Variants in ST7 observed in about 807,000 individuals in gnomAD.
The protein encoded by ST7 is suppressor of tumorigenicity 7 protein.
ST7 carries 28 observed loss-of-function variants against 78.7 expected under a neutral mutation model. The observed-to-expected ratio is 0.36, with a 90% CI of 0.26 to 0.49. ST7 has a LOEUF of 0.49. Among genes scored for constraint, ST7 ranks in the 20% least tolerant of loss-of-function variants. The pLI, the probability that ST7 is intolerant of heterozygous loss-of-function variation, is 0.99. For synonymous variants in ST7, 247 were observed against 249.6 expected (o/e 0.99, Z 0.10); for missense variants, 418 against 696.0 (o/e 0.60, Z 4.49).
At position 117,170,869 on chromosome 7, in the gene ST7, A is replaced by G; in HGVS notation, c.971A>G (p.Lys324Arg). 3 of 1,589,886 alleles carry G rather than the reference A, an allele frequency of 1.9e-6. No individual in the cohort carries two copies. Among genetic ancestry groups the G allele is most frequent in the Non-Finnish European group, 1.7e-6 (2 of 1,166,868 alleles). The change falls in exon 10 of 16, where the codon AAG (lysine) becomes AGG (arginine). Residue 324 changes from lysine to arginine, a missense_variant. Lys to Arg is a conservative substitution (Grantham distance 26). Transcript: ENST00000323984. ...TGGTTTCTTCTGCCCTAGTTAATGA[A>G]GGAGTTCCCCCTTCTGAGTATGTTC... ...EAVKMMRDLM[K>R]EFPLLSMFNI...
intron 1 of ST7, among the ~76,000 whole-genome samples, chr7:117,095,089 T>C (rs1053376747): frequency 5.3e-5 from 8 of 152,168 alleles, no homozygotes; most frequent in African/African-American, 1.4e-4. Flanking sequence ...TTCGAAGACT[T>C]CCCTGTGCAA....
chr7:117,023,840 T>C (rs1365522828), intron 1 of ST7, among the ~76,000 whole-genome samples: 1 of 151,826 alleles, frequency 6.6e-6, no homozygotes, highest in East Asian at 1.9e-4. Context: ...CTCACCCTGT[T>C]GCTCTGTGGC....
chr7:116,954,876 G>A (rs1585032544), intron 1 of ST7: 1 of 310,808 alleles, frequency 3.2e-6, no homozygotes, highest in East Asian at 8.9e-5. Flanking sequence ...TTGAGATAAT[G>A]TACTCATTTT....
intron 3 of ST7, among the ~76,000 whole-genome samples, chr7:117,122,690 AG>A (rs1467729980): frequency 6.6e-6 from 1 of 152,174 alleles, no homozygotes; most frequent in Non-Finnish European, 1.5e-5. Context: ...AAGTATATTT[AG>A]GTCTCCATCT....
chr7:116,980,838 A>G (rs1793925962), intron 1 of ST7, among the ~76,000 whole-genome samples: 1 of 152,246 alleles, frequency 6.6e-6, no homozygotes, highest in Non-Finnish European at 1.5e-5. Flanking sequence ...TAAGAAATTA[A>G]TTAGATTTGT....
At chr7:117,157,055 A>C (rs1373289458) in intron 9 of ST7, among the ~76,000 whole-genome samples, 1 of 152,168 alleles carries the variant, frequency 6.6e-6, no homozygotes, top group African/African-American at 2.4e-5. Context: ...GGTAAGGCTT[A>C]AGGTCAAGAG....
chr7:117,116,675 CTTATG>C (rs1802914008), intron 2 of ST7, among the ~76,000 whole-genome samples: 1 of 152,110 alleles, frequency 6.6e-6, no homozygotes, highest in South Asian at 2.1e-4. Context: ...CATCTTTATA[CTTATG>C]TTCTCTGTAC....
chr7:117,119,403 A>G (rs117066758), intron 2 of ST7, among the ~76,000 whole-genome samples, 158 bp from the exon 3 acceptor site: 3 of 152,346 alleles, frequency 2.0e-5, no homozygotes, highest in Non-Finnish European at 4.4e-5. Context: ...TTTAAATGTT[A>G]TTATTAAATT....
intron 1 of ST7, among the ~76,000 whole-genome samples, chr7:117,009,167 T>C (rs1456757164): frequency 6.6e-6 from 1 of 151,912 alleles, no homozygotes; most frequent in Non-Finnish European, 1.5e-5. Context: ...TGTAGTACCA[T>C]GGAAATTTGT....
At chr7:117,217,692 T>C (rs1792797163) in intron 13 of ST7, among the ~76,000 whole-genome samples, 2 of 152,212 alleles carry the variant, frequency 1.3e-5, no homozygotes, top group South Asian at 4.1e-4. Flanking sequence ...AGTTAAAGTC[T>C]GGGGTGTTTT....
intron 1 of ST7, chr7:116,968,521 A>G (rs1793258308): frequency 2.5e-6 from 1 of 401,940 alleles, no homozygotes; most frequent in Non-Finnish European, 5.0e-6. Flanking sequence ...AAAGGACTTT[A>G]TGTTGAACCT....
At chr7:117,195,686 C>T (rs577904527) in intron 12 of ST7, among the ~76,000 whole-genome samples, 1 of 152,170 alleles carries the variant, frequency 6.6e-6, no homozygotes, top group Non-Finnish European at 1.5e-5. Context: ...AAAACTCACT[C>T]ACTATCATGA....
chr7:117,167,786 AAG>A (rs1263886690), intron 9 of ST7, among the ~76,000 whole-genome samples: 1 of 152,200 alleles, frequency 6.6e-6, no homozygotes. Flanking sequence ...TGAAGAAGCC[AAG>A]AGAGGCAAGT....
At chr7:117,098,795 A>C (rs1801322571) in intron 1 of ST7, 2 of 1,302,482 alleles carry the variant, frequency 1.5e-6, no homozygotes, top group South Asian at 1.2e-5. Flanking sequence ...AAGAAATGTG[A>C]ATACTCCCAC....
intron 1 of ST7, among the ~76,000 whole-genome samples, chr7:117,099,516 A>G (rs1344164563): frequency 1.3e-5 from 2 of 152,180 alleles, no homozygotes; most frequent in East Asian, 3.9e-4. Context: ...TTGTTTTGGG[A>G]GTTAGAAATT....
chr7:117,160,110 G>C (rs952995246), intron 9 of ST7, among the ~76,000 whole-genome samples: 1 of 150,032 alleles, frequency 6.7e-6, no homozygotes, highest in African/African-American at 2.5e-5. Context: ...CAGAGTAGCT[G>C]TAATCCCAGC....
chr7:117,071,142 C>A (rs1798929938), intron 1 of ST7, among the ~76,000 whole-genome samples: 1 of 152,064 alleles, frequency 6.6e-6, no homozygotes, highest in South Asian at 2.1e-4. Context: ...TGGCGTGAAC[C>A]CGGGAGGCGG....
Position 116,994,680 on chromosome 7 carries a change from T to G in ST7, c.151+40989T>G, listed in dbSNP as rs143812165. Among the ~76,000 whole-genome samples, 1,078 of 152,306 alleles carry G rather than the reference T, an allele frequency of 7.1e-3. 9 individuals are homozygous for G. The highest frequency in any genetic ancestry group is 0.024 in the African/African-American group (1,009 of 41,548). ...GTGATATTTTTCTACTCAAGACTATTAAAAATGAATTCATTAACCATTCGA... is the reference window on the plus strand; with the variant it reads ...GTGATATTTTTCTACTCAAGACTATGAAAAATGAATTCATTAACCATTCGA... On this transcript the variant is annotated intron_variant, in intron 1 of 15. Transcript: ENST00000323984.
At chr7:116,958,187 G>A in intron 1 of ST7, among the ~76,000 whole-genome samples, 1 of 15,382 alleles carries the variant, frequency 6.5e-5, no homozygotes, top group Admixed American at 5.1e-4. Flanking sequence ...TTTTTTTTTT[G>A]TAGAGACAGG....
Sources: allele counts gnomAD v4.1 joint callset (sites outside exome capture counted in the v4.1 genomes callset), GRCh38; gene constraint gnomAD v4.1.1; transcripts MANE v1.5; gene names NCBI Gene and HGNC (gene_info 2026-07-23, HGNC 2026-07-21).